The following PRKCG variants were observed in gnomAD, a reference collection of about 807,000 sequenced individuals.
The protein encoded by PRKCG is protein kinase C gamma type.
Under a neutral mutation model 82.0 loss-of-function variants are expected in PRKCG, and 28 were observed. The observed-to-expected ratio is 0.34, with a 90% CI of 0.25 to 0.47. PRKCG has a LOEUF of 0.47. Among genes scored for constraint, PRKCG ranks in the 20% least tolerant of loss-of-function variants. PRKCG has a pLI of 1.00. For synonymous variants in PRKCG, 383 were observed against 376.6 expected, an observed-to-expected ratio of 1.02 and a Z score of -0.20; for missense variants, 640 against 952.7, an observed-to-expected ratio of 0.67 and a Z score of 4.32.
In PRKCG at chr19:53,883,469, A is replaced by G. The variant is rs1303759382; in HGVS notation, c.202+275A>G. Among the ~76,000 whole-genome samples the G allele has an allele frequency of 6.6e-6, 1 of 150,618 alleles. No homozygotes were observed. Among genetic ancestry groups the G allele is most frequent in the Non-Finnish European group, 1.5e-5 (1 of 67,606 alleles). On this transcript the variant is annotated intron_variant, in intron 2 of 17. Coordinates refer to ENST00000263431, the MANE Select transcript of PRKCG (RefSeq NM_002739.5). The surrounding 1 kb of genome is among the most constrained non-coding windows in gnomAD (Gnocchi z 5.4). Reference sequence around the variant, plus strand: ...GCCATGGGAACATGGAGATTTGGAAAAGGGGAGCTGAAGGGGGGAAGGGGG... The same window carrying G: ...GCCATGGGAACATGGAGATTTGGAAGAGGGGAGCTGAAGGGGGGAAGGGGG...
chr19:53,901,552 A>C (rs1451618909), intron 14 of PRKCG, among the ~76,000 whole-genome samples: 2 of 91,646 alleles, frequency 2.2e-5, no homozygotes, highest in South Asian at 3.1e-4. Flanking sequence ...ACTTCATCTC[A>C]AAAAAAAAAA....
intron 5 of PRKCG, 64 bp downstream of exon 5, chr19:53,890,081 G>A: frequency 1.1e-5 from 17 of 1,514,534 alleles, no homozygotes; most frequent in Non-Finnish European, 1.5e-5. Flanking sequence ...GCTGACCCAA[G>A]GCACTTGTGC....
At position 53,904,761 on chromosome 19, in the gene PRKCG, C is replaced by T; in HGVS notation, c.1764+19C>T. 6.3e-7 allele frequency: 1 copy of T among 1,585,774 alleles called. No individual in the cohort carries two copies. On this transcript the variant is annotated intron_variant, in intron 16 of 17. Transcript: ENST00000263431. The stretch of plus-strand genomic sequence containing the variant: ...CAAGGGGGTGAGAGCCCCCTGACTC[C>T]CAGCTTCTCCAGGCTCACAACCACA...
At chr19:53,901,993 A>T (rs964411463) in intron 14 of PRKCG, among the ~76,000 whole-genome samples, 4 of 152,054 alleles carry the variant, frequency 2.6e-5, no homozygotes, top group Admixed American at 2.0e-4. Context: ...TTCTGAATGT[A>T]CGTATAGATG....
intron 10 of PRKCG, 72 bp downstream of exon 10, chr19:53,898,183 G>C: frequency 5.1e-6 from 8 of 1,576,080 alleles, no homozygotes; most frequent in Non-Finnish European, 6.9e-6. Context: ...TCTTAGGGAG[G>C]AAGTGGGGGT....
chr19:53,906,888 T>C lies in PRKCG; in HGVS notation c.2087T>C (p.Val696Ala), dbSNP rs1281590143. The C allele has an allele frequency of 6.2e-7, 1 of 1,613,066 alleles. No homozygotes were observed. Among genetic ancestry groups the C allele is most frequent in the Non-Finnish European group, 8.5e-7 (1 of 1,179,826 alleles). The change falls in exon 18 of 18, where the codon GTC becomes GCC. Residue 696 changes from valine (V) to alanine (A), a missense_variant. Val to Ala is a moderately conservative substitution (Grantham distance 64, BLOSUM62 0). This residue lies in a region of PRKCG where 198 missense variants were observed against 273.4 expected (regional missense o/e 0.72). Coordinates refer to ENST00000263431, the MANE Select transcript of PRKCG (RefSeq NM_002739.5). ...RSPTSPVPVPVM is the reference protein window; with the variant it reads ...RSPTSPVPVPAM ...CCCACCAGCCCAGTGCCTGTGCCCG[T>C]CATGTAATCTCACCCGCCGCCACTA...
In PRKCG at chr19:53,884,325, C is replaced by A; in HGVS notation, c.285+82C>A. ...TCGGCGTCCGTCCCAATTTCTCCTG[C>A]TATTTTTATGGCTGGGAGGGGAGGG... On this transcript the variant is annotated intron_variant, in intron 3 of 17. Coordinates refer to ENST00000263431, the MANE Select transcript of PRKCG (RefSeq NM_002739.5). This position sits in a 1 kb window ranked among gnomAD's most constrained non-coding sequence, Gnocchi z 4.6. 1 of 1,311,644 alleles carries A rather than the reference C, an allele frequency of 7.6e-7. No individual in the cohort carries two copies. Among genetic ancestry groups the A allele is most frequent in the Non-Finnish European group, 1.1e-6 (1 of 908,840 alleles). 81.3% of individuals were successfully genotyped at this position (1,311,644 alleles called of 1,614,324 possible).
At position 53,882,705 on chromosome 19, in the gene PRKCG, A is replaced by T; in HGVS notation, c.170+41A>T. 6.3e-7 allele frequency: 1 copy of T among 1,599,900 alleles called. No individual in the cohort carries two copies. Among genetic ancestry groups the T allele is most frequent in the Non-Finnish European group, 8.5e-7 (1 of 1,171,676 alleles). ...TGGGGGACTGGGGGACGAGGGGACT[A>T]GGGGTGCAGACTCCTATCACGCCGA... On this transcript the variant is annotated intron_variant, in intron 1 of 17. Transcript: ENST00000263431. This position sits in a 1 kb window ranked among gnomAD's most constrained non-coding sequence, Gnocchi z 6.1.
chr19:53,906,467 C>T lies in PRKCG; in HGVS notation c.1905+10C>T, dbSNP rs1289430837. 2.5e-6 allele frequency: 4 copies of T among 1,573,446 alleles called. No homozygotes were observed. The highest frequency in any genetic ancestry group is 3.5e-6 in the Non-Finnish European group (4 of 1,158,648). On this transcript the variant is annotated intron_variant, in intron 17 of 17. Transcript: ENST00000263431. ...TTTCAGACCCCGCCCGGTCAGTCACCCTCCAGGCAACAAAAACCTGGTCCC... is the reference window on the plus strand; with the variant it reads ...TTTCAGACCCCGCCCGGTCAGTCACTCTCCAGGCAACAAAAACCTGGTCCC...
chr19:53,883,895 C>G lies in PRKCG; in HGVS notation c.203-266C>G, dbSNP rs1470693678. On this transcript the variant is annotated intron_variant, in intron 2 of 17. Coordinates refer to ENST00000263431, the MANE Select transcript of PRKCG (RefSeq NM_002739.5). This position sits in a 1 kb window ranked among gnomAD's most constrained non-coding sequence, Gnocchi z 5.4. ...TTTTCTTTCTCTCTTTTTCCATCTC[C>G]CTTCCCTGAGCTCTGTGCTCTGTGT... Among the ~76,000 whole-genome samples, 4 of 152,132 alleles carry G rather than the reference C, an allele frequency of 2.6e-5. No homozygotes were observed. The highest frequency in any genetic ancestry group is 1.3e-4 in the Admixed American group (2 of 15,268).
rs1250110558 is a variant in PRKCG, at chr19:53,900,303, A to G, written c.1352A>G (p.Lys451Arg). The G allele has an allele frequency of 6.2e-7, 1 of 1,614,132 alleles. No individual in the cohort carries two copies. The highest frequency in any genetic ancestry group is 1.1e-5 in the South Asian group (1 of 91,080). ...DLMYHIQQLG[K>R]FKEPHAAFYA... ...ATGTACCACATTCAACAGCTGGGCAAGTTTAAGGAGCCCCATGCAGCGTGA... is the reference window on the plus strand; with the variant it reads ...ATGTACCACATTCAACAGCTGGGCAGGTTTAAGGAGCCCCATGCAGCGTGA... The change falls in exon 12 of 18, where the codon AAG becomes AGG. Residue 451 changes from lysine (K) to arginine (R), a missense_variant. By Grantham distance (26) the Lys-to-Arg change is conservative (BLOSUM62 2). Around this residue, in one of 7 missense-constraint regions of PRKCG, gnomAD observed 78 missense variants for 105.6 expected, o/e 0.74. Transcript: ENST00000263431. This position sits in a 1 kb window ranked among gnomAD's most constrained non-coding sequence, Gnocchi z 4.2.
At chr19:53,895,958 G>T (rs568663563) in intron 9 of PRKCG, among the ~76,000 whole-genome samples, 2 of 151,938 alleles carry the variant, frequency 1.3e-5, no homozygotes. Flanking sequence ...TACTCAGGAG[G>T]CTGAGGCAGG....
rs377048951 is a variant in PRKCG at position 53,906,766 on chromosome 19, C to A, written c.1965C>A (p.Thr655=). 6.2e-7 allele frequency: 1 copy of A among 1,613,548 alleles called. No homozygotes were observed. The highest frequency in any genetic ancestry group is 8.5e-7 in the Non-Finnish European group (1 of 1,179,996). The change falls in exon 18 of 18, where the codon ACC becomes ACA. Residue 655 remains threonine (T), a synonymous_variant. Coordinates refer to ENST00000263431, the MANE Select transcript of PRKCG (RefSeq NM_002739.5). ...TCACGCGGGCGGCGCCAGCGCTGAC[C>A]CCTCCAGACCGCCTAGTCCTGGCCA... ...KFFTRAAPAL[T]PPDRLVLASI... is the part of the protein sequence containing the mutation.
At position 53,882,494 on chromosome 19, in the gene PRKCG, C is replaced by T; in HGVS notation, c.-1C>T. 6.2e-7 allele frequency: 1 copy of T among 1,613,572 alleles called. No individual in the cohort carries two copies. The highest frequency in any genetic ancestry group is 8.5e-7 in the Non-Finnish European group (1 of 1,179,708). Reference sequence around the variant, plus strand: ...CTGGTCCCTGCTACGTTTCTGGGGCCATGGCTGGTCTGGGCCCCGGCGTAG... The same window carrying T: ...CTGGTCCCTGCTACGTTTCTGGGGCTATGGCTGGTCTGGGCCCCGGCGTAG... On this transcript the variant is annotated 5_prime_UTR_variant, in exon 1 of 18. Coordinates refer to ENST00000263431, the MANE Select transcript of PRKCG (RefSeq NM_002739.5). This position sits in a 1 kb window ranked among gnomAD's most constrained non-coding sequence, Gnocchi z 6.1.
At chr19:53,905,829 A>G (rs1416417720) in intron 16 of PRKCG, among the ~76,000 whole-genome samples, 3 of 126,206 alleles carry the variant, frequency 2.4e-5, no homozygotes, top group African/African-American at 6.2e-5. Flanking sequence ...CTCCCTCATG[A>G]TTTGTTCTGT....
chr19:53,893,897 G>A (rs1007374555), intron 9 of PRKCG, among the ~76,000 whole-genome samples: 8 of 151,752 alleles, frequency 5.3e-5, no homozygotes, highest in African/African-American at 1.5e-4. Context: ...GGGATTACAG[G>A]TGACCGCCAC....
In PRKCG at chr19:53,884,115, G is replaced by A. The variant is rs776345557; in HGVS notation, c.203-46G>A. ...TTCTGTCTGCTGGGGTCTCCCGCTG[G>A]ACTAATCCATGCCTCCGTCTGTGTC... On this transcript the variant is annotated intron_variant, in intron 2 of 17. Coordinates refer to ENST00000263431, the MANE Select transcript of PRKCG (RefSeq NM_002739.5). The surrounding 1 kb of genome is among the most constrained non-coding windows in gnomAD (Gnocchi z 4.6). 6.3e-7 allele frequency: 1 copy of A among 1,591,504 alleles called. No homozygotes were observed.
At chr19:53,891,936 C>A in intron 6 of PRKCG, 106 bp downstream of exon 6, 1 of 1,433,466 alleles carries the variant, frequency 7.0e-7, no homozygotes, top group Non-Finnish European at 9.7e-7. Flanking sequence ...ATAGAGGGAA[C>A]CCAGAAAAGG....
intron 3 of PRKCG, among the ~76,000 whole-genome samples, chr19:53,887,944 A>C (rs993922013): frequency 2.0e-5 from 3 of 152,090 alleles, no homozygotes; most frequent in African/African-American, 7.2e-5. Context: ...TGAGGCTTTG[A>C]AAAGGGGCAG....
Sources: gnomAD v4.1 joint callset for allele counts (sites outside exome capture counted in the v4.1 genomes callset) on GRCh38, gnomAD v4.1.1 for gene constraint, gnomAD v4.1.1 regional missense constraint, Gnocchi (gnomAD v3.1) non-coding constraint, MANE v1.5 for transcripts, NCBI Gene and HGNC (gene_info 2026-07-23, HGNC 2026-07-21) for gene names.